OTUD7A: variants seen among roughly 807,000 people sequenced by gnomAD.
OTUD7A encodes OTU domain-containing protein 7A.
A neutral mutation model predicts 65.7 loss-of-function variants in OTUD7A; 12 were observed. The ratio of observed to expected loss-of-function variants is 0.18; its 90% CI spans 0.12 to 0.30. OTUD7A has a LOEUF of 0.30. Ranked by LOEUF, OTUD7A falls within the 10% of genes least tolerant of loss-of-function variation. OTUD7A has a pLI of 1.00. For synonymous variants in OTUD7A, 641 were observed against 586.3 expected, an observed-to-expected ratio of 1.09 and a Z score of -1.35; for missense variants, 1,148 against 1,304.8, an observed-to-expected ratio of 0.88 and a Z score of 1.85.
At chr15:31,849,773 T>C (rs1897375937) in intron 1 of OTUD7A, among the ~76,000 whole-genome samples, 1 of 152,088 alleles carries the variant, frequency 6.6e-6, no homozygotes, top group Admixed American at 6.6e-5. Flanking sequence ...AAGAAGAAAT[T>C]TATGCAGCCA....
intron 4 of OTUD7A, among the ~76,000 whole-genome samples, chr15:31,567,896 C>T (rs1595617181): frequency 6.6e-6 from 1 of 152,216 alleles, no homozygotes; most frequent in Non-Finnish European, 1.5e-5. Context: ...AACCTGTAGA[C>T]ATGTAGAATG....
At chr15:31,850,207 A>C (rs1234945476) in intron 1 of OTUD7A, among the ~76,000 whole-genome samples, 1 of 152,248 alleles carries the variant, frequency 6.6e-6, no homozygotes, top group African/African-American at 2.4e-5. Flanking sequence ...TGGCACATAT[A>C]CATCATGGAA....
At position 31,738,865 on chromosome 15, in the gene OTUD7A, T is replaced by G. The variant is rs1420935618; in HGVS notation, c.-99-81788A>C. Among the ~76,000 whole-genome samples, 5 of 152,322 alleles carry G rather than the reference T, an allele frequency of 3.3e-5. No homozygotes were observed. The East Asian group carries it at 9.6e-4, about 29-fold the overall frequency. ...ACTCTTCAGCGGACGATTTTAAACT[T>G]TCATTTACACCTATTAAGTATCCTT... On this transcript the variant is annotated intron_variant, in intron 1 of 12. Coordinates refer to ENST00000307050, the MANE Select transcript of OTUD7A (RefSeq NM_001382637.1).
At chr15:31,670,427 G>C (rs897741817) in intron 1 of OTUD7A, among the ~76,000 whole-genome samples, 6 of 152,132 alleles carry the variant, frequency 3.9e-5, no homozygotes, top group African/African-American at 1.4e-4. Context: ...TTTCTCCACA[G>C]CGTCACCAGC....
At chr15:31,755,660 T>C (rs1380620025) in intron 1 of OTUD7A, among the ~76,000 whole-genome samples, 1 of 151,496 alleles carries the variant, frequency 6.6e-6, no homozygotes, top group East Asian at 1.9e-4. Flanking sequence ...AGGTGGAGCT[T>C]GCAGTGAGCA....
rs372606395 is a variant in OTUD7A, at chr15:31,476,920, T to A, written c.*6374A>T. 1 of 152,274 alleles carries A rather than the reference T, an allele frequency of 6.6e-6. No individual in the cohort carries two copies. The highest frequency in any genetic ancestry group is 1.5e-5 in the Non-Finnish European group (1 of 68,066). The allele number at this position is 152,274 out of a possible 1,614,324, so 9.4% of individuals were successfully genotyped here. ...TCATCTGGCAGGGGCAGGAAGGTCA[T>A]TGGAGGACCCACGCCTCCCCTGCTG... On this transcript the variant is annotated 3_prime_UTR_variant, in exon 13 of 13. Coordinates refer to ENST00000307050, the MANE Select transcript of OTUD7A (RefSeq NM_001382637.1).
intron 1 of OTUD7A, among the ~76,000 whole-genome samples, chr15:31,776,140 T>A (rs1291008997): frequency 6.6e-6 from 1 of 152,172 alleles, no homozygotes; most frequent in Non-Finnish European, 1.5e-5. Flanking sequence ...GGCCTATGCT[T>A]CGGGCTGCCC....
At position 31,484,050 on chromosome 15, in the gene OTUD7A, G is replaced by C. The variant is rs749890600; in HGVS notation, c.2046C>G (p.Asp682Glu). ...FSAEQEQRRR[D>E]AATAAAAAAA... ...CGGCAGCGGCGGCCGCAGTAGCGGC[G>C]TCGCGGCGCCGCTGCTCCTGCTCGG... Residue 682 changes from aspartate (D) to glutamate (E), a missense_variant, in exon 13 of 13, where the codon GAC becomes GAG. By Grantham distance (45) the Asp-to-Glu change is conservative. Coordinates refer to ENST00000307050, the MANE Select transcript of OTUD7A (RefSeq NM_001382637.1). The surrounding 1 kb of genome is among the most constrained non-coding windows in gnomAD (Gnocchi z 4.5). 7.4e-6 allele frequency: 10 copies of C among 1,345,252 alleles called. No homozygotes were observed. Among genetic ancestry groups the C allele is most frequent in the African/African-American group, 3.0e-5 (2 of 66,000 alleles). 83.3% of individuals were successfully genotyped at this position (1,345,252 alleles called of 1,614,324 possible).
chr15:31,724,393 T>A (rs1285449047), intron 1 of OTUD7A, among the ~76,000 whole-genome samples: 1 of 152,248 alleles, frequency 6.6e-6, no homozygotes, highest in Non-Finnish European at 1.5e-5. Flanking sequence ...TTAATGCATC[T>A]GGAAGTAACA....
intron 1 of OTUD7A, among the ~76,000 whole-genome samples, chr15:31,783,609 C>T (rs1895598102): frequency 6.6e-6 from 1 of 152,194 alleles, no homozygotes; most frequent in Non-Finnish European, 1.5e-5. Context: ...TATTAACTAG[C>T]AACCCTTGTG....
At chr15:31,558,886 T>C (rs1439891288) in intron 5 of OTUD7A, 83 bp downstream of exon 5, 2 of 1,445,068 alleles carry the variant, frequency 1.4e-6, no homozygotes, top group Admixed American at 3.7e-5. Context: ...ACATGTGCCC[T>C]TCTCTTGCTC....
Position 31,765,909 on chromosome 15 carries a change from T to G in OTUD7A, c.-100+104598A>C. On this transcript the variant is annotated intron_variant, in intron 1 of 12. Transcript: ENST00000307050. ...CTATTTTAGTTTTTTTCTTTTCTCCTTTAGAGGTAAAGTCCTGTTTTTAAC... is the reference window on the plus strand; with the variant it reads ...CTATTTTAGTTTTTTTCTTTTCTCCGTTAGAGGTAAAGTCCTGTTTTTAAC... The G allele has an allele frequency of 2.4e-6, 3 of 1,276,370 alleles. No homozygotes were observed. The Admixed American group carries it at 5.2e-5, about 22-fold the overall frequency. The allele number at this position is 1,276,370 out of a possible 1,614,324, so 79.1% of individuals were successfully genotyped here.
intron 3 of OTUD7A, among the ~76,000 whole-genome samples, chr15:31,576,658 T>C (rs1208340541): frequency 6.6e-6 from 1 of 152,232 alleles, no homozygotes; most frequent in Non-Finnish European, 1.5e-5. Context: ...GGCTATGTCA[T>C]GGACCATTGG....
intron 3 of OTUD7A, among the ~76,000 whole-genome samples, chr15:31,631,514 G>C (rs4779903): frequency 0.29 from 43,797 of 151,948 alleles, 7,480 homozygotes; most frequent in African/African-American, 0.47. Context: ...CTCTGTCTGC[G>C]CTTAACATTT....
chr15:31,739,599 C>CTT (rs549708057), intron 1 of OTUD7A, among the ~76,000 whole-genome samples: 4 of 149,326 alleles, frequency 2.7e-5, no homozygotes, highest in African/African-American at 9.8e-5. Context: ...CTCACCATAT[C>CTT]TTTTTTTTTT....
At chr15:31,811,562 T>C (rs2140961457) in intron 1 of OTUD7A, among the ~76,000 whole-genome samples, 1 of 152,134 alleles carries the variant, frequency 6.6e-6, no homozygotes, top group East Asian at 1.9e-4. Flanking sequence ...TGAGTGTGCG[T>C]TTATGGGCAT....
In OTUD7A at chr15:31,723,074, A is replaced by C. The variant is rs1231746440; in HGVS notation, c.-99-65997T>G. Among the ~76,000 whole-genome samples, 4 of 152,174 alleles carry C rather than the reference A, an allele frequency of 2.6e-5. 1 individual carries two copies. Among genetic ancestry groups the C allele is most frequent in the Admixed American group, 2.6e-4 (4 of 15,280 alleles). ...TCCACCATGAGGACCATGGGGCAGAAGTCAGGAGAGTGGAAGATAGGATGC... is the reference window on the plus strand; with the variant it reads ...TCCACCATGAGGACCATGGGGCAGACGTCAGGAGAGTGGAAGATAGGATGC... On this transcript the variant is annotated intron_variant, in intron 1 of 12. Coordinates refer to ENST00000307050, the MANE Select transcript of OTUD7A (RefSeq NM_001382637.1).
At chr15:31,560,015 C>T (rs1202907966) in intron 4 of OTUD7A, among the ~76,000 whole-genome samples, 1 of 152,242 alleles carries the variant, frequency 6.6e-6, no homozygotes, top group Non-Finnish European at 1.5e-5. Context: ...GCCCACAGTA[C>T]AACTGCACAT....
chr15:31,578,335 G>A (rs1213694228), intron 3 of OTUD7A, among the ~76,000 whole-genome samples: 1 of 152,154 alleles, frequency 6.6e-6, no homozygotes, highest in African/African-American at 2.4e-5. Context: ...ACTTAAGTCT[G>A]ATAAGAAACA....
Sources: gnomAD v4.1 joint callset for allele counts (sites outside exome capture counted in the v4.1 genomes callset) on GRCh38, gnomAD v4.1.1 for gene constraint, Gnocchi (gnomAD v3.1) non-coding constraint, MANE v1.5 for transcripts, NCBI Gene and HGNC (gene_info 2026-07-23, HGNC 2026-07-21) for gene names.